Variants in CALN1 observed in about 807,000 individuals in gnomAD.
The protein encoded by CALN1 is calneuron 1, also known as calcium-binding protein 8.
In CALN1, 17 loss-of-function variants were observed where a neutral mutation model predicts 30.6. The observed-to-expected ratio is 0.56, with a 90% CI of 0.38 to 0.83. The LOEUF is 0.83. Among genes scored for constraint, CALN1 ranks in the 40% least tolerant of loss-of-function variants. The probability of loss-of-function intolerance (pLI) is 0.00; values close to 1 mark genes in which losing one functional copy is unlikely to be tolerated. For missense variants in CALN1, 291 were observed against 354.9 expected, an observed-to-expected ratio of 0.82 and a Z score of 1.45; for synonymous variants, 156 against 131.4, an observed-to-expected ratio of 1.19 and a Z score of -1.28.
chr7:71,823,492 G>C (rs1425262584), intron 5 of CALN1, among the ~76,000 whole-genome samples: 1 of 152,204 alleles, frequency 6.6e-6, no homozygotes, highest in Non-Finnish European at 1.5e-5. Context: ...GGCCAAGGCA[G>C]GCGGATCACA....
chr7:71,787,422 T>C lies in CALN1; in HGVS notation c.*353A>G. The C allele has an allele frequency of 4.4e-6, 1 of 227,814 alleles. No homozygotes were observed. The highest frequency in any genetic ancestry group is 9.1e-6 in the Non-Finnish European group (1 of 110,476). 14.1% of individuals were successfully genotyped at this position (227,814 alleles called of 1,614,324 possible). ...TGACTGTGTGTTCATGCCTCTCTCT[T>C]GCTCTCTCACCATTATACCTGGATG... is the stretch of plus-strand genomic sequence containing the variant. On this transcript the variant is annotated 3_prime_UTR_variant, in exon 7 of 7. Coordinates refer to ENST00000395275, the MANE Select transcript of CALN1 (RefSeq NM_031468.4).
intron 1 of CALN1, among the ~76,000 whole-genome samples, chr7:72,406,836 G>A (rs947289100): frequency 6.6e-6 from 1 of 151,874 alleles, no homozygotes; most frequent in Non-Finnish European, 1.5e-5. Context: ...GGCTGGTCTT[G>A]AACTTCTGAC....
chr7:71,824,610 GA>G (rs1562813206), intron 5 of CALN1, among the ~76,000 whole-genome samples: 1 of 152,126 alleles, frequency 6.6e-6, no homozygotes, highest in African/African-American at 2.4e-5. Context: ...TTCCTGCCCA[GA>G]TTTGTGAGCG....
At chr7:71,992,385 G>C (rs184427198) in intron 5 of CALN1, among the ~76,000 whole-genome samples, 2 of 152,180 alleles carry the variant, frequency 1.3e-5, no homozygotes, top group East Asian at 3.9e-4. Context: ...TAGAGAAAGA[G>C]CCTCATTGTT....
At chr7:72,190,235 A>T (rs1288327952) in intron 3 of CALN1, among the ~76,000 whole-genome samples, 1 of 152,154 alleles carries the variant, frequency 6.6e-6, no homozygotes, top group Admixed American at 6.5e-5. Flanking sequence ...ACATCCAGCT[A>T]CTTAGGAGGC....
intron 5 of CALN1, among the ~76,000 whole-genome samples, chr7:71,869,184 T>C (rs577518095): frequency 6.6e-6 from 1 of 152,166 alleles, no homozygotes; most frequent in Non-Finnish European, 1.5e-5. Context: ...AGAGAATACA[T>C]TCAACTTTTT....
intron 5 of CALN1, among the ~76,000 whole-genome samples, chr7:71,858,068 G>A (rs992156308): frequency 1.3e-5 from 2 of 152,154 alleles, no homozygotes; most frequent in Admixed American, 1.3e-4. Context: ...ATCTCATCTT[G>A]AATTGTAGTT....
At chr7:71,831,871 C>CAA (rs751078568) in intron 5 of CALN1, among the ~76,000 whole-genome samples, 1,984 of 20,766 alleles carry the variant, frequency 0.096, 536 homozygotes, top group Non-Finnish European at 0.14. Context: ...AACCCTGCCT[C>CAA]AAAAAAAAAA....
chr7:72,358,139 G>A lies in CALN1; in HGVS notation c.119+45112C>T, dbSNP rs568405480. 2.5e-3 allele frequency among the ~76,000 whole-genome samples: 373 copies of A among 151,754 alleles called. 8 individuals are homozygous for A. The highest frequency in any genetic ancestry group is 8.8e-3 in the African/African-American group (362 of 41,188). On this transcript the variant is annotated intron_variant, in intron 2 of 6. Transcript: ENST00000395275. Reference sequence around the variant, plus strand: ...CCCAAAGTGCCGGGGTTATAGGTGTGCACCACCATGCCTAACTAATTTTTT... The same window carrying A: ...CCCAAAGTGCCGGGGTTATAGGTGTACACCACCATGCCTAACTAATTTTTT...
chr7:72,398,799 G>A (rs1208104459), intron 2 of CALN1, among the ~76,000 whole-genome samples: 1 of 152,222 alleles, frequency 6.6e-6, no homozygotes, highest in Non-Finnish European at 1.5e-5. Flanking sequence ...CTGAGTATTA[G>A]CATTCCCCAT....
At chr7:71,822,781 T>C (rs1430235164) in intron 5 of CALN1, among the ~76,000 whole-genome samples, 1 of 152,224 alleles carries the variant, frequency 6.6e-6, no homozygotes, top group Non-Finnish European at 1.5e-5. Context: ...TCAGTCTTTG[T>C]AAGTTTAATT....
chr7:72,369,110 C>T (rs1276381126), intron 2 of CALN1, among the ~76,000 whole-genome samples: 1 of 151,510 alleles, frequency 6.6e-6, no homozygotes, highest in Non-Finnish European at 1.5e-5. Flanking sequence ...CCACTGCACC[C>T]AGCCTGAAAA....
rs75992667 is a variant in CALN1, at chr7:72,091,352, C to A, written c.388+14799G>T. 8.9e-4 allele frequency among the ~76,000 whole-genome samples: 135 copies of A among 152,162 alleles called. 2 individuals are homozygous for A. In the East Asian group the frequency reaches 0.024, roughly 27 times the overall value. On this transcript the variant is annotated intron_variant, in intron 4 of 6. Coordinates refer to ENST00000395275, the MANE Select transcript of CALN1 (RefSeq NM_031468.4). ...TCTCAAACAGACAAACAAACAAACA[C>A]CCCAGTAATTTATTGTATATTTCAA...
At chr7:72,115,551 C>T (rs1037882371) in intron 3 of CALN1, among the ~76,000 whole-genome samples, 1 of 130,666 alleles carries the variant, frequency 7.7e-6, no homozygotes, top group Admixed American at 9.2e-5. Context: ...CACAGTGGTG[C>T]GATCTCGACT....
chr7:72,389,700 A>C (rs1321640404), intron 2 of CALN1, among the ~76,000 whole-genome samples: 1 of 152,122 alleles, frequency 6.6e-6, no homozygotes, highest in Non-Finnish European at 1.5e-5. Flanking sequence ...CAAGTGGATC[A>C]CCTGAGGTCA....
At chr7:72,314,366 CATATAT>C (rs371418054) in intron 2 of CALN1, among the ~76,000 whole-genome samples, 2 of 81,804 alleles carry the variant, frequency 2.4e-5, no homozygotes, top group African/African-American at 5.5e-5. Flanking sequence ...TATACATATA[CATATAT>C]ACACATATAT....
At chr7:72,151,910 CTTT>C (rs369752622) in intron 3 of CALN1, among the ~76,000 whole-genome samples, 2 of 132,858 alleles carry the variant, frequency 1.5e-5, no homozygotes. Flanking sequence ...TTATTCTTTT[CTTT>C]TTTTTTTTTT....
At chr7:72,420,504 C>A (rs1026552331) in intron 1 of CALN1, among the ~76,000 whole-genome samples, 1 of 151,902 alleles carries the variant, frequency 6.6e-6, no homozygotes, top group Non-Finnish European at 1.5e-5. Context: ...CTGGCATTCA[C>A]CTGGGCACCT....
chr7:71,966,234 T>C (rs565498930), intron 5 of CALN1, among the ~76,000 whole-genome samples: 1 of 152,212 alleles, frequency 6.6e-6, no homozygotes, highest in Non-Finnish European at 1.5e-5. Context: ...TGTGGCTATG[T>C]TGCAGTATAA....
Sources: allele counts gnomAD v4.1 joint callset (sites outside exome capture counted in the v4.1 genomes callset), GRCh38; gene constraint gnomAD v4.1.1; transcripts MANE v1.5; gene names NCBI Gene and HGNC (gene_info 2026-07-23, HGNC 2026-07-21).